The following DOCK5 variants were observed in gnomAD, a reference collection of about 807,000 sequenced individuals.
DOCK5 encodes dedicator of cytokinesis protein 5.
DOCK5 carries 142 observed loss-of-function variants against 251.8 expected under a neutral mutation model. The ratio of observed to expected loss-of-function variants is 0.56; its 90% confidence interval spans 0.49 to 0.65. The LOEUF (loss-of-function observed/expected upper bound fraction) is 0.65. DOCK5 is among the 30% of genes least tolerant of loss of function. The pLI is 0.00. For missense variants in DOCK5, 2,111 were observed against 2,312.3 expected (o/e 0.91, Z 1.79); for synonymous variants, 842 against 835.5 (o/e 1.01, Z -0.13).
intron 31 of DOCK5, 100 bp downstream of exon 31, chr8:25,367,070 T>C: frequency 9.6e-7 from 1 of 1,043,546 alleles, no homozygotes; most frequent in Non-Finnish European, 1.4e-6. Context: ...ATTTAGTGGC[T>C]ACCCATGTTG....
At chr8:25,188,446 G>C (rs1014989687) in intron 1 of DOCK5, among the ~76,000 whole-genome samples, 3 of 152,198 alleles carry the variant, frequency 2.0e-5, no homozygotes, top group African/African-American at 4.8e-5. Flanking sequence ...TGCTCTAAGA[G>C]GAGTGTGCCT....
chr8:25,310,606 A>T lies in DOCK5; in HGVS notation c.1318+74A>T, dbSNP rs771823096. 4.9e-5 allele frequency: 72 copies of T among 1,480,648 alleles called. No homozygotes were observed. The East Asian group carries it at 5.4e-4, about 11-fold the overall frequency. 91.7% of individuals were successfully genotyped at this position (1,480,648 alleles called of 1,614,324 possible). On this transcript the variant is annotated intron_variant, in intron 13 of 51. Coordinates refer to ENST00000276440, the MANE Select transcript of DOCK5 (RefSeq NM_024940.8). ...TATTTCTTATTGGACGGTGGAGGCA[A>T]CTTGGATCCAGAAGACTTGGTTATT...
At chr8:25,326,757 A>T (rs1805573636) in intron 18 of DOCK5, among the ~76,000 whole-genome samples, 1 of 152,218 alleles carries the variant, frequency 6.6e-6, no homozygotes, top group South Asian at 2.1e-4. Flanking sequence ...AGAGATGGAC[A>T]CGAAGATTTA....
At chr8:25,376,435 C>T (rs1240928754) in intron 37 of DOCK5, 5 of 927,716 alleles carry the variant, frequency 5.4e-6, no homozygotes, top group South Asian at 5.0e-5. Context: ...TATGCTTTTA[C>T]GTGGGTCTCT....
intron 40 of DOCK5, among the ~76,000 whole-genome samples, 177 bp downstream of exon 40, chr8:25,382,955 G>A (rs766873196): frequency 4.2e-5 from 5 of 119,462 alleles, no homozygotes; most frequent in South Asian, 5.4e-4. Flanking sequence ...CCGGACACCC[G>A]TGGTGTTCTG....
chr8:25,311,581 A>G (rs1481143778), intron 13 of DOCK5, among the ~76,000 whole-genome samples: 1 of 150,888 alleles, frequency 6.6e-6, no homozygotes, highest in South Asian at 2.1e-4. Context: ...CAACCATACC[A>G]TGTTAGAAAA....
rs573052282 is a variant in DOCK5 at position 25,374,147 on chromosome 8, C to T, written c.3726-417C>T. On this transcript the variant is annotated intron_variant, in intron 36 of 51. Transcript: ENST00000276440. ...TAGTCTAGGTGGAGTCAGAGAAACACGGAGGCAGGAGGTGCACAGTGTATT... is the reference window on the plus strand; with the variant it reads ...TAGTCTAGGTGGAGTCAGAGAAACATGGAGGCAGGAGGTGCACAGTGTATT... Among the ~76,000 whole-genome samples, 13 of 152,182 alleles carry T rather than the reference C, an allele frequency of 8.5e-5. 1 individual carries two copies. The highest frequency in any genetic ancestry group is 3.1e-4 in the African/African-American group (13 of 41,522).
intron 1 of DOCK5, among the ~76,000 whole-genome samples, chr8:25,231,645 A>G (rs904841168): frequency 1.3e-4 from 20 of 152,194 alleles, no homozygotes; most frequent in Admixed American, 1.3e-3. Flanking sequence ...ACACAATTTT[A>G]TATTATCCTT....
chr8:25,326,113 G>T (rs1381129184), intron 18 of DOCK5, among the ~76,000 whole-genome samples: 1 of 152,080 alleles, frequency 6.6e-6, no homozygotes, highest in Non-Finnish European at 1.5e-5. Flanking sequence ...AACCTCTCTT[G>T]TGTAGATTAT....
chr8:25,395,758 C>G, intron 45 of DOCK5, 39 bp downstream of exon 45: 5 of 1,590,150 alleles, frequency 3.1e-6, no homozygotes, highest in Non-Finnish European at 4.3e-6. Flanking sequence ...ATTCACAGAC[C>G]TGGGTGTCTG....
intron 37 of DOCK5, chr8:25,374,896 T>G: frequency 7.5e-7 from 1 of 1,326,412 alleles, no homozygotes; most frequent in Non-Finnish European, 9.7e-7. Context: ...CCTTTGGTAA[T>G]TGACACTCTA....
chr8:25,369,738 T>G lies in DOCK5; in HGVS notation c.3524+97T>G, dbSNP rs545368635. ...TCACCAATAGAGCAATTGAGTAGTC[T>G]CAGAGTCACTAGGGCCACCCCCACT... is the stretch of plus-strand genomic sequence containing the variant. On this transcript the variant is annotated intron_variant, in intron 34 of 51. Transcript: ENST00000276440. 4.7e-6 allele frequency: 5 copies of G among 1,064,666 alleles called. No homozygotes were observed. The African/African-American group carries it at 4.7e-5, about 10-fold the overall frequency. The allele number at this position is 1,064,666 out of a possible 1,614,324, so 66.0% of individuals were successfully genotyped here.
intron 50 of DOCK5, 137 bp downstream of exon 50, chr8:25,409,077 T>C: frequency 1.5e-6 from 2 of 1,312,456 alleles, no homozygotes; most frequent in Non-Finnish European, 2.1e-6. Context: ...GTTCGTGTAT[T>C]ATACAGTTAG....
At chr8:25,324,217 G>A (rs1805500048) in intron 17 of DOCK5, among the ~76,000 whole-genome samples, 1 of 152,130 alleles carries the variant, frequency 6.6e-6, no homozygotes, top group African/African-American at 2.4e-5. Context: ...TCCTGTGAAT[G>A]GTGTTCCCTA....
chr8:25,221,950 C>A (rs1337162191), intron 1 of DOCK5, among the ~76,000 whole-genome samples: 1 of 152,154 alleles, frequency 6.6e-6, no homozygotes, highest in Non-Finnish European at 1.5e-5. Flanking sequence ...CTGACCCATG[C>A]CAACCAAGAC....
At chr8:25,195,695 AG>A (rs1801706543) in intron 1 of DOCK5, among the ~76,000 whole-genome samples, 1 of 152,170 alleles carries the variant, frequency 6.6e-6, no homozygotes, top group Non-Finnish European at 1.5e-5. Flanking sequence ...CTGCTTAGAG[AG>A]AGCCTTCTCT....
rs143383264 is a variant in DOCK5, at chr8:25,280,380, A to G, written c.321+1715A>G. ...TGGGAATACCTCACTCTAGACCCTA[A>G]ATACTGAAGGCAGTAATCAAAAGCT... On this transcript the variant is annotated intron_variant, in intron 5 of 51. Coordinates refer to ENST00000276440, the MANE Select transcript of DOCK5 (RefSeq NM_024940.8). Among the ~76,000 whole-genome samples, 29 of 152,328 alleles carry G rather than the reference A, an allele frequency of 1.9e-4. No homozygotes were observed. The East Asian group carries it at 5.2e-3, about 27-fold the overall frequency.
chr8:25,405,608 A>G (rs1050912147), intron 48 of DOCK5, among the ~76,000 whole-genome samples: 3 of 152,148 alleles, frequency 2.0e-5, no homozygotes, highest in African/African-American at 4.8e-5. Flanking sequence ...TCAGAATTTA[A>G]TCTGGCTAGT....
At chr8:25,341,104 C>A in intron 23 of DOCK5, 116 bp downstream of exon 23, 1 of 654,154 alleles carries the variant, frequency 1.5e-6, no homozygotes, top group Non-Finnish European at 2.6e-6. Flanking sequence ...TCATGCATAG[C>A]TTATGAATTT....
Sources: gnomAD v4.1 joint callset for allele counts (sites outside exome capture counted in the v4.1 genomes callset) on GRCh38, gnomAD v4.1.1 for gene constraint, MANE v1.5 for transcripts, NCBI Gene and HGNC (gene_info 2026-07-23, HGNC 2026-07-21) for gene names.